CSMD3: variants seen among roughly 807,000 people sequenced by gnomAD.
CSMD3 encodes the protein CUB and Sushi multiple domains 3, also known as CUB and sushi domain-containing protein 3.
CSMD3 carries 177 observed loss-of-function variants against 435.2 expected under a neutral mutation model. The observed-to-expected ratio is 0.41, with a 90% confidence interval of 0.36 to 0.46. The LOEUF is 0.46. CSMD3 is among the 20% of genes least tolerant of loss of function. The pLI, the probability that CSMD3 is intolerant of heterozygous loss-of-function variation, is 0.34. For synonymous variants in CSMD3, 1,656 were observed against 1,520.5 expected (o/e 1.09, Z -2.07); for missense variants, 4,265 against 4,504.6 (o/e 0.95, Z 1.52).
chr8:112,729,843 C>CA (rs1414575605), intron 13 of CSMD3, among the ~76,000 whole-genome samples: 1 of 152,094 alleles, frequency 6.6e-6, no homozygotes, highest in Non-Finnish European at 1.5e-5. Flanking sequence ...ATTCCCTTTA[C>CA]AAAGCCCCTA....
In CSMD3 at chr8:113,120,071, A is replaced by G. The variant is rs141176951; in HGVS notation, c.710-21108T>C. 8.5e-5 allele frequency among the ~76,000 whole-genome samples: 13 copies of G among 152,152 alleles called. No individual in the cohort carries two copies. The East Asian group carries it at 2.5e-3, about 29-fold the overall frequency. ...TGGAAGGCATCAGCCTAAAAATACA[A>G]TGTAAAATGTATGTATATATGTTCA... is the stretch of plus-strand genomic sequence containing the variant. On this transcript the variant is annotated intron_variant, in intron 4 of 70. Transcript: ENST00000297405.
rs950345248 is a variant in CSMD3 at position 113,402,211 on chromosome 8, A to G, written c.178+34466T>C. Among the ~76,000 whole-genome samples the G allele has an allele frequency of 2.8e-5, 4 of 142,262 alleles. No homozygotes were observed. The South Asian group carries it at 9.1e-4, about 32-fold the overall frequency. 93.3% of individuals were successfully genotyped at this position (142,262 alleles called of 152,430 possible). ...TTTATCTTTTATCTTAAATTTTTTC[A>G]TTTGACAGCTGTTTTCATCACCAAG... On this transcript the variant is annotated intron_variant, in intron 1 of 70. Transcript: ENST00000297405.
chr8:113,287,617 G>T (rs113114812), intron 2 of CSMD3, among the ~76,000 whole-genome samples: 16 of 152,030 alleles, frequency 1.1e-4, no homozygotes, highest in African/African-American at 3.9e-4. Context: ...CACCATGTTG[G>T]GAACATGTGC....
At chr8:113,184,262 G>T (rs551002026) in intron 3 of CSMD3, among the ~76,000 whole-genome samples, 2 of 151,986 alleles carry the variant, frequency 1.3e-5, no homozygotes, top group Admixed American at 1.3e-4. Flanking sequence ...CTATCTGGAA[G>T]CACTTCATGC....
chr8:112,605,785 A>C (rs974676100), intron 22 of CSMD3, among the ~76,000 whole-genome samples: 7 of 152,170 alleles, frequency 4.6e-5, no homozygotes, highest in Admixed American at 3.9e-4. Flanking sequence ...TGAACCTAAA[A>C]TAAAACTTGG....
intron 31 of CSMD3, among the ~76,000 whole-genome samples, chr8:112,485,343 A>T (rs1211200826): frequency 6.6e-6 from 1 of 152,146 alleles, no homozygotes; most frequent in Non-Finnish European, 1.5e-5. Context: ...CAGATATTTG[A>T]TGATACACAG....
At chr8:113,282,562 A>T (rs2093620490) in intron 2 of CSMD3, among the ~76,000 whole-genome samples, 1 of 152,048 alleles carries the variant, frequency 6.6e-6, no homozygotes, top group Admixed American at 6.6e-5. Flanking sequence ...AAAACTATAA[A>T]ACACTGCTGA....
intron 1 of CSMD3, among the ~76,000 whole-genome samples, chr8:113,354,061 T>G (rs2094206303): frequency 6.6e-6 from 1 of 152,186 alleles, no homozygotes; most frequent in Non-Finnish European, 1.5e-5. Flanking sequence ...GACTATTCTT[T>G]GCACTTAGGT....
At chr8:112,638,951 C>T in intron 20 of CSMD3, 40 bp from the exon 21 acceptor site, 1 of 1,322,528 alleles carries the variant, frequency 7.6e-7, no homozygotes, top group Non-Finnish European at 1.1e-6. Context: ...ACAGGTAGAT[C>T]AGTAAAACAC....
At chr8:113,209,659 A>C (rs768985217) in intron 3 of CSMD3, among the ~76,000 whole-genome samples, 16 of 152,304 alleles carry the variant, frequency 1.1e-4, no homozygotes, top group African/African-American at 3.8e-4. Context: ...CCGGTATTTC[A>C]TAATTATGTC....
At chr8:112,457,808 A>T (rs1401680126) in intron 32 of CSMD3, among the ~76,000 whole-genome samples, 1 of 152,068 alleles carries the variant, frequency 6.6e-6, no homozygotes, top group African/African-American at 2.4e-5. Context: ...CCAGCTGCAT[A>T]TGAATGTCTA....
chr8:112,275,322 C>T (rs6992636), intron 59 of CSMD3, among the ~76,000 whole-genome samples: 101,533 of 152,104 alleles, frequency 0.67, 35,699 homozygotes, highest in African/African-American at 0.89. Context: ...CCGAGGCAGA[C>T]GGATCACCTG....
intron 31 of CSMD3, among the ~76,000 whole-genome samples, chr8:112,492,171 T>C (rs1212659314): frequency 6.6e-6 from 1 of 152,156 alleles, no homozygotes; most frequent in Non-Finnish European, 1.5e-5. Flanking sequence ...CAGCCAATAT[T>C]TTCTGAGCAC....
At chr8:113,313,232 G>A (rs1447996152) in intron 2 of CSMD3, 5 of 152,244 alleles carry the variant, frequency 3.3e-5, no homozygotes, top group African/African-American at 1.2e-4. Context: ...ACATCCTAAT[G>A]TAATAAATCT....
At chr8:112,863,895 T>C (rs983471328) in intron 10 of CSMD3, among the ~76,000 whole-genome samples, 1 of 151,906 alleles carries the variant, frequency 6.6e-6, no homozygotes, top group African/African-American at 2.4e-5. Flanking sequence ...AATAAACCAA[T>C]GAATGTATGA....
intron 16 of CSMD3, among the ~76,000 whole-genome samples, chr8:112,677,984 T>G (rs1289516045): frequency 6.6e-6 from 1 of 152,174 alleles, no homozygotes; most frequent in Non-Finnish European, 1.5e-5. Context: ...AACATTGCTC[T>G]CAGTTGTCAA....
chr8:113,170,641 T>C (rs1321410408), intron 4 of CSMD3, among the ~76,000 whole-genome samples: 1 of 152,156 alleles, frequency 6.6e-6, no homozygotes, highest in Non-Finnish European at 1.5e-5. Context: ...CATACATTAC[T>C]GCAATTACTT....
At chr8:113,055,951 T>G (rs182481193) in intron 5 of CSMD3, among the ~76,000 whole-genome samples, 2 of 151,964 alleles carry the variant, frequency 1.3e-5, no homozygotes, top group East Asian at 3.9e-4. Flanking sequence ...ACTGTGACAG[T>G]TGGGTGAAGA....
chr8:112,405,232 T>TAC (rs1563904527), intron 35 of CSMD3, among the ~76,000 whole-genome samples: 4 of 105,366 alleles, frequency 3.8e-5, no homozygotes, highest in African/African-American at 1.7e-4. Context: ...TATATATATA[T>TAC]ATATATATAT....
Sources: gnomAD v4.1 joint callset for allele counts (sites outside exome capture counted in the v4.1 genomes callset) on GRCh38, gnomAD v4.1.1 for gene constraint, MANE v1.5 for transcripts, NCBI Gene and HGNC (gene_info 2026-07-23, HGNC 2026-07-21) for gene names.